IL10: variants seen among roughly 807,000 people sequenced by gnomAD.
IL10 encodes the protein interleukin 10, also known as interleukin-10.
In IL10, 7 loss-of-function variants were observed where a neutral mutation model predicts 21.0. The ratio of observed to expected loss-of-function variants is 0.33; its 90% CI spans 0.19 to 0.63. IL10 has a LOEUF of 0.63. Among genes scored for constraint, IL10 ranks in the 20% least tolerant of loss-of-function variants. The probability of loss-of-function intolerance (pLI) is 0.77; values close to 1 mark genes in which losing one functional copy is unlikely to be tolerated. For missense variants in IL10, 161 were observed against 213.0 expected, an observed-to-expected ratio of 0.76 and a Z score of 1.52; for synonymous variants, 83 against 79.7, an observed-to-expected ratio of 1.04 and a Z score of -0.22.
At chr1:206,771,930 G>A (rs45499395) in intron 1 of IL10, among the ~76,000 whole-genome samples, 32 of 152,314 alleles carry the variant, frequency 2.1e-4, no homozygotes, top group Non-Finnish European at 4.1e-4. Context: ...TTTCCCTGCT[G>A]CAAGGCATGG....
Position 206,770,992 on chromosome 1 carries a change from G to T in IL10, c.293C>A (p.Ala98Asp), listed in dbSNP as rs1421978042. The part of the protein sequence containing the change: ...QFYLEEVMPQ[A>D]ENQDPDIKAH... The stretch of plus-strand genomic sequence containing the variant: ...CTTGATGTCTGGGTCTTGGTTCTCA[G>T]CTTGGGGCATCACCTCCTCCAGGTA... Residue 98 changes from alanine (A) to aspartate (D), a missense_variant, in exon 3 of 5, where the codon GCT (alanine) becomes GAT (aspartate). Ala to Asp is a moderately radical substitution (Grantham distance 126, BLOSUM62 -2). Coordinates refer to ENST00000423557, the MANE Select transcript of IL10 (RefSeq NM_000572.3). The T allele has an allele frequency of 6.2e-7, 1 of 1,614,140 alleles. No individual in the cohort carries two copies. Among genetic ancestry groups the T allele is most frequent in the Non-Finnish European group, 8.5e-7 (1 of 1,179,986 alleles).
At chr1:206,771,535 A>T in intron 1 of IL10, 120 bp from the exon 2 acceptor site, 1 of 818,810 alleles carries the variant, frequency 1.2e-6, no homozygotes, top group Non-Finnish European at 2.1e-6. Context: ...TCTGGCCCAA[A>T]AAAATCAAAA....
intron 4 of IL10, 60 bp downstream of exon 4, chr1:206,769,769 G>C: frequency 7.7e-7 from 1 of 1,291,354 alleles, no homozygotes; most frequent in Non-Finnish European, 1.1e-6. Context: ...CATGCTTTGG[G>C]GTTGGGGAGT....
At chr1:206,770,339 G>A in intron 3 of IL10, 1 of 315,950 alleles carries the variant, frequency 3.2e-6, no homozygotes, top group Middle Eastern at 1.2e-3. Context: ...CAATATTGGT[G>A]ACAGAACAGG....
chr1:206,770,648 T>G, intron 3 of IL10: 5 of 519,474 alleles, frequency 9.6e-6, no homozygotes, highest in South Asian at 2.3e-5. Context: ...GAGAGGGGAG[T>G]AGTTAATAAC....
chr1:206,769,722 A>G (rs926991095), intron 4 of IL10, 107 bp downstream of exon 4: 1 of 856,376 alleles, frequency 1.2e-6, no homozygotes, highest in Admixed American at 1.7e-5. Context: ...CACTCTCTCC[A>G]ATGAAGAATG....
chr1:206,767,771 C>G lies in IL10; in HGVS notation c.*865G>C, dbSNP rs977721049. 1 of 152,060 alleles carries G rather than the reference C, an allele frequency of 6.6e-6. No homozygotes were observed. Among genetic ancestry groups the G allele is most frequent in the Non-Finnish European group, 1.5e-5 (1 of 68,078 alleles). 9.4% of individuals were successfully genotyped at this position (152,060 alleles called of 1,614,324 possible). On this transcript the variant is annotated 3_prime_UTR_variant, in exon 5 of 5. Transcript: ENST00000423557. ...TTGAGACAGAGTCTTGCTCTGTCAC[C>G]CAGGCTGGAGTACAGGGGCATGATA...
At chr1:206,771,286 A>T in intron 2 of IL10, 70 bp downstream of exon 2, 1 of 1,401,634 alleles carries the variant, frequency 7.1e-7, no homozygotes, top group Non-Finnish European at 1.0e-6. Flanking sequence ...ATTCCCTGCA[A>T]TCAGGAAGCA....
At chr1:206,770,336 G>C (rs1227257876) in intron 3 of IL10, 3 of 315,628 alleles carry the variant, frequency 9.5e-6, no homozygotes, top group Non-Finnish European at 1.2e-5. Flanking sequence ...TTCCAATATT[G>C]GTGACAGAAC....
In IL10 at chr1:206,771,378, T is replaced by C. The variant is rs747219677; in HGVS notation, c.203A>G (p.Glu68Gly). 1 of 1,613,770 alleles carries C rather than the reference T, an allele frequency of 6.2e-7. No individual in the cohort carries two copies. The highest frequency in any genetic ancestry group is 1.1e-5 in the South Asian group (1 of 90,946). ...CACCTTAAAGTCCTCCAGCAAGGAC[T>C]CCTTTAACAACAAGTTGTCCAGCTG... ...KDQLDNLLLK[E>G]SLLEDFKGYL... The change falls in exon 2 of 5, where the codon GAG (glutamate) becomes GGG (glycine). Residue 68 changes from glutamate to glycine, a missense_variant. Transcript: ENST00000423557.
Position 206,768,148 on chromosome 1 carries a change from A to G in IL10, c.*488T>C, listed in dbSNP as rs1213918157. The G allele has an allele frequency of 8.9e-6, 2 of 224,096 alleles. No individual in the cohort carries two copies. Among genetic ancestry groups the G allele is most frequent in the Non-Finnish European group, 1.8e-5 (2 of 112,678 alleles). The allele number at this position is 224,096 out of a possible 1,614,324, so 13.9% of individuals were successfully genotyped here. A position where few individuals can be genotyped will look rare whatever the true frequency, so the allele number is the denominator to read the frequency against. On this transcript the variant is annotated 3_prime_UTR_variant, in exon 5 of 5. Coordinates refer to ENST00000423557, the MANE Select transcript of IL10 (RefSeq NM_000572.3). The stretch of plus-strand genomic sequence containing the variant: ...ACACTGGAAGGTGAATTAATCATCA[A>G]AGGGGCTCCCTGGTTTCTCTTCCTA...
At chr1:206,770,042 C>A in intron 3 of IL10, 148 bp from the exon 4 acceptor site, 1 of 713,594 alleles carries the variant, frequency 1.4e-6, no homozygotes, top group Non-Finnish European at 2.6e-6. Context: ...AGCCCTGCTT[C>A]CATGGCCCTG....
In IL10 at chr1:206,768,672, G is replaced by T; in HGVS notation, c.501C>A (p.Tyr167Ter). Residue 167 changes from tyrosine to a stop codon, truncating the protein, a stop_gained, in exon 5 of 5, where the codon TAC becomes TAA. Transcript: ENST00000423557. LOFTEE classifies it high-confidence loss of function. ...AMSEFDIFIN[Y>*]IEAYMTMKIR... ...TCTTCATTGTCATGTAGGCTTCTAT[G>T]TAGTTGATGAAGATGTCAAACTCAC... The T allele has an allele frequency of 6.2e-7, 1 of 1,608,912 alleles. No homozygotes were observed. Among genetic ancestry groups the T allele is most frequent in the Non-Finnish European group, 8.5e-7 (1 of 1,175,258 alleles).
chr1:206,769,803 C>A (rs780388936), intron 4 of IL10, 26 bp downstream of exon 4: 4 of 1,591,040 alleles, frequency 2.5e-6, no homozygotes, highest in Non-Finnish European at 3.5e-6. Context: ...GCTCTGCAGA[C>A]CCTCTCTGCC....
intron 3 of IL10, chr1:206,770,595 G>T: frequency 2.4e-6 from 1 of 410,016 alleles, no homozygotes; most frequent in South Asian, 2.8e-5. Context: ...TTACAAAGAG[G>T]CAGTGGAGGC....
intron 1 of IL10, among the ~76,000 whole-genome samples, chr1:206,771,998 G>C (rs1295251175): frequency 6.6e-6 from 1 of 152,216 alleles, no homozygotes; most frequent in East Asian, 1.9e-4. Flanking sequence ...ATAAAGTATA[G>C]AGCGCCAGCA....
At position 206,768,745 on chromosome 1, in the gene IL10, GAAACATAC is replaced by G. The variant is rs1252904911; in HGVS notation, c.445-25_445-18del. 1 of 1,503,082 alleles carries G rather than the reference GAAACATAC, an allele frequency of 6.7e-7. No individual in the cohort carries two copies. The highest frequency in any genetic ancestry group is 9.3e-7 in the Non-Finnish European group (1 of 1,079,390). 93.1% of individuals were successfully genotyped at this position (1,503,082 alleles called of 1,614,324 possible). Reference sequence around the variant, plus strand: ...CTCTTGGAGCTGTGCAGAGAGATAAGAAACATACAGTTAAAATCCTTTCTGGGGACTAA... The same window carrying G: ...CTCTTGGAGCTGTGCAGAGAGATAAGAGTTAAAATCCTTTCTGGGGACTAA... On this transcript the variant is annotated intron_variant, in intron 4 of 4. Transcript: ENST00000423557.
chr1:206,772,114 T>C (rs1332717446), intron 1 of IL10, among the ~76,000 whole-genome samples, 157 bp downstream of exon 1: 2 of 152,178 alleles, frequency 1.3e-5, no homozygotes, highest in African/African-American at 4.8e-5. Flanking sequence ...ACCAAACCCA[T>C]GGCTTGATCT....
rs1316110481 is a variant in IL10 at position 206,769,881 on chromosome 1, G to T, written c.392C>A (p.Pro131His). ...LRLRRCHRFL[P>H]CENKSKAVEQ... Reference sequence around the variant, plus strand: ...CACGGCCTTGCTCTTGTTTTCACAGGGAAGAAATCGATGCTGTGGAAGAAA... The same window carrying T: ...CACGGCCTTGCTCTTGTTTTCACAGTGAAGAAATCGATGCTGTGGAAGAAA... The change falls in exon 4 of 5, where the codon CCC becomes CAC. Residue 131 changes from proline (P) to histidine (H), a missense_variant. Transcript: ENST00000423557. The T allele has an allele frequency of 6.2e-7, 1 of 1,613,700 alleles. No individual in the cohort carries two copies. The highest frequency in any genetic ancestry group is 1.3e-5 in the African/African-American group (1 of 74,874).
Sources: gnomAD v4.1 joint callset for allele counts (sites outside exome capture counted in the v4.1 genomes callset) on GRCh38, gnomAD v4.1.1 for gene constraint, MANE v1.5 for transcripts, NCBI Gene and HGNC (gene_info 2026-07-23, HGNC 2026-07-21) for gene names.